The following MBNL2 variants were observed in gnomAD, a reference collection of about 807,000 sequenced individuals.
MBNL2 encodes the protein muscleblind like splicing regulator 2, also known as muscleblind-like protein 2.
Under a neutral mutation model 41.9 loss-of-function variants are expected in MBNL2, and 17 were observed. That is an observed-to-expected ratio of 0.41 (90% CI 0.28 to 0.61). The LOEUF (loss-of-function observed/expected upper bound fraction) is 0.61. MBNL2 is among the 20% of genes least tolerant of loss of function. The pLI, the probability that MBNL2 is intolerant of heterozygous loss-of-function variation, is 0.35. For missense variants in MBNL2, 336 were observed against 505.6 expected, an observed-to-expected ratio of 0.66 and a Z score of 3.22; for synonymous variants, 195 against 182.9, an observed-to-expected ratio of 1.07 and a Z score of -0.53.
chr13:97,158,171 G>A, the MBNL2 span, among the ~76,000 whole-genome samples: 1 of 152,044 alleles, frequency 6.6e-6, no homozygotes, highest in Non-Finnish European at 1.5e-5. Flanking sequence ...AGATTTTCTA[G>A]TTTATTTGCG....
At chr13:97,329,852 G>C (rs2060282065) in intron 2 of MBNL2, among the ~76,000 whole-genome samples, 1 of 143,186 alleles carries the variant, frequency 7.0e-6, no homozygotes, top group African/African-American at 2.7e-5. Flanking sequence ...CACACACTTT[G>C]ACCACCACAC....
intron 1 of MBNL2, among the ~76,000 whole-genome samples, chr13:97,259,694 A>G (rs1307024427): frequency 1.3e-5 from 2 of 152,230 alleles, no homozygotes; most frequent in Non-Finnish European, 2.9e-5. Context: ...ACAATCACAG[A>G]ACTTTAAGGA....
rs535411056 is a variant in MBNL2, at chr13:97,302,780, T to C, written c.174+26371T>C. Among the ~76,000 whole-genome samples, 4 of 152,022 alleles carry C rather than the reference T, an allele frequency of 2.6e-5. No homozygotes were observed. In the East Asian group the frequency reaches 7.7e-4, roughly 29 times the overall value. On this transcript the variant is annotated intron_variant, in intron 2 of 8. Transcript: ENST00000679496. ...GACTCTGTTGGCTCTGTGAATAGAATAGAAAGGAAGGGTGAGGCTGTTGAC... is the reference window on the plus strand; with the variant it reads ...GACTCTGTTGGCTCTGTGAATAGAACAGAAAGGAAGGGTGAGGCTGTTGAC...
At chr13:97,217,470 G>A (rs999712118), upstream of MBNL2, among the ~76,000 whole-genome samples, 3 of 152,138 alleles carry the variant, frequency 2.0e-5, no homozygotes, top group East Asian at 3.8e-4. Context: ...GAGTCATGGT[G>A]GTCAAAGAAG....
At chr13:97,228,479 CATATAT>C (rs899217244) in intron 1 of MBNL2, among the ~76,000 whole-genome samples, 7 of 150,680 alleles carry the variant, frequency 4.6e-5, no homozygotes, top group Non-Finnish European at 1.0e-4. Flanking sequence ...GTGATAGTAA[CATATAT>C]ATATCTTACA....
intron 1 of MBNL2, among the ~76,000 whole-genome samples, chr13:97,238,975 G>T (rs185477411): frequency 3.9e-5 from 6 of 152,306 alleles, no homozygotes. Context: ...GTCTAAAGGC[G>T]TCTCCAAGGA....
the MBNL2 span, among the ~76,000 whole-genome samples, chr13:97,168,856 C>A: frequency 6.6e-6 from 1 of 152,152 alleles, no homozygotes; most frequent in Non-Finnish European, 1.5e-5. Context: ...TTACAAAGTG[C>A]TTTCTCATGC....
chr13:97,274,515 C>CAA (rs879733225), intron 1 of MBNL2, among the ~76,000 whole-genome samples: 3 of 140,506 alleles, frequency 2.1e-5, no homozygotes, highest in Non-Finnish European at 3.1e-5. Context: ...GACTCCATTT[C>CAA]AAAAAAAAAA....
chr13:97,195,734 G>T, the MBNL2 span, among the ~76,000 whole-genome samples: 2 of 152,084 alleles, frequency 1.3e-5, no homozygotes, highest in Non-Finnish European at 2.9e-5. Context: ...AAGGTTTTAG[G>T]TGCATTTTCA....
chr13:97,205,413 G>T, the MBNL2 span, among the ~76,000 whole-genome samples: 1 of 151,648 alleles, frequency 6.6e-6, no homozygotes, highest in South Asian at 2.1e-4. Flanking sequence ...ATAAAAAAAA[G>T]ATAATTCAGT....
chr13:97,225,451 G>T (rs367892201), intron 1 of MBNL2, among the ~76,000 whole-genome samples: 3 of 152,242 alleles, frequency 2.0e-5, no homozygotes, highest in South Asian at 4.2e-4. Context: ...ATTCTGATTC[G>T]GGAAAAGGTG....
At chr13:97,202,439 C>T in the MBNL2 span, among the ~76,000 whole-genome samples, 1 of 152,150 alleles carries the variant, frequency 6.6e-6, no homozygotes, top group African/African-American at 2.4e-5. Flanking sequence ...GTGTAAAGTA[C>T]CTACCTTCCA....
intron 1 of MBNL2, among the ~76,000 whole-genome samples, chr13:97,264,229 G>A (rs559589765): frequency 1.5e-4 from 22 of 151,560 alleles, no homozygotes; most frequent in East Asian, 3.9e-4. Context: ...GAGTTTCACC[G>A]TGTTAGCCAG....
chr13:97,256,979 A>G (rs1260618141), intron 1 of MBNL2, among the ~76,000 whole-genome samples: 1 of 152,190 alleles, frequency 6.6e-6, no homozygotes, highest in East Asian at 1.9e-4. Context: ...CATTTATTTC[A>G]TCGTTAGTTA....
At position 97,334,865 on chromosome 13, in the gene MBNL2, A is replaced by G. The variant is rs889170888; in HGVS notation, c.339+425A>G. The stretch of plus-strand genomic sequence containing the variant: ...GAAATTGAGAAACCAGAGAAGTTCA[A>G]TGATTTTCCGCAATGTCATGCAGCT... On this transcript the variant is annotated intron_variant, in intron 3 of 8. Transcript: ENST00000679496. The surrounding 1 kb of genome is among the most constrained non-coding windows in gnomAD (Gnocchi z 5.3). 2.6e-5 allele frequency among the ~76,000 whole-genome samples: 4 copies of G among 152,234 alleles called. No individual in the cohort carries two copies. Among genetic ancestry groups the G allele is most frequent in the Admixed American group, 2.0e-4 (3 of 15,284 alleles).
At position 97,276,184 on chromosome 13, in the gene MBNL2, G is replaced by C; in HGVS notation, c.-52G>C. On this transcript the variant is annotated 5_prime_UTR_variant, in exon 2 of 9. Coordinates refer to ENST00000679496, the MANE Select transcript of MBNL2 (RefSeq NM_001382683.1). ...AGTAGTTTTGGAATCATTAGAACTT[G>C]GATTGATTTCATCATTTAACAGAAA... 7.1e-7 allele frequency: 1 copy of C among 1,401,984 alleles called. No homozygotes were observed. The highest frequency in any genetic ancestry group is 1.0e-6 in the Non-Finnish European group (1 of 994,726). 86.8% of individuals were successfully genotyped at this position (1,401,984 alleles called of 1,614,324 possible).
the MBNL2 span, among the ~76,000 whole-genome samples, chr13:97,190,066 G>C: frequency 6.6e-6 from 1 of 152,286 alleles, no homozygotes; most frequent in South Asian, 2.1e-4. Context: ...CGTGGGGCTC[G>C]GGCCACCTGC....
the MBNL2 span, among the ~76,000 whole-genome samples, chr13:97,178,764 G>A: frequency 3.3e-5 from 5 of 152,144 alleles, no homozygotes; most frequent in Non-Finnish European, 1.5e-5. Context: ...AGGTATGGTG[G>A]TGTATGCCCA....
At chr13:97,328,723 C>T in intron 2 of MBNL2, among the ~76,000 whole-genome samples, 1 of 152,168 alleles carries the variant, frequency 6.6e-6, no homozygotes, top group Non-Finnish European at 1.5e-5. Context: ...CATTGCTTTT[C>T]CCATGAAAAA....
Sources: allele counts gnomAD v4.1 joint callset (sites outside exome capture counted in the v4.1 genomes callset), GRCh38; gene constraint gnomAD v4.1.1; non-coding constraint Gnocchi (gnomAD v3.1); transcripts MANE v1.5; gene names NCBI Gene and HGNC (gene_info 2026-07-23, HGNC 2026-07-21).